Variants in CDK11B observed in about 807,000 individuals in gnomAD.
CDK11B encodes cyclin dependent kinase 11B.
A neutral mutation model predicts 84.0 loss-of-function variants in CDK11B; 37 were observed. The observed-to-expected ratio is 0.44, with a 90% confidence interval of 0.34 to 0.58. The LOEUF (loss-of-function observed/expected upper bound fraction) is 0.58, where lower values mean the gene tolerates loss of function less well. Among genes scored for constraint, CDK11B ranks in the 20% least tolerant of loss-of-function variants. The pLI is 0.02. For missense variants in CDK11B, 427 were observed against 834.0 expected, an observed-to-expected ratio of 0.51 and a Z score of 6.01; for synonymous variants, 269 against 309.8, an observed-to-expected ratio of 0.87 and a Z score of 1.38.
Position 1,658,981 on chromosome 1 carries a change from G to A in CDK11B, c.-81C>T. On this transcript the variant is annotated 5_prime_UTR_variant, in exon 1 of 20. Transcript: ENST00000341832. ...GGAGCCAGAGAAGAAACAGCAACCG[G>A]CGCGCGCCAAAAGTATCGTCACTTC... 5.0e-6 allele frequency: 1 copy of A among 198,554 alleles called. No homozygotes were observed. Among genetic ancestry groups the A allele is most frequent in the South Asian group, 6.4e-5 (1 of 15,632 alleles). 12.3% of individuals were successfully genotyped at this position (198,554 alleles called of 1,614,324 possible). A position where few individuals can be genotyped will look rare whatever the true frequency, so the allele number is the denominator to read the frequency against.
rs568311266 is a variant in CDK11B, at chr1:1,637,047, C to A, written c.1692+34G>T. Reference sequence around the variant, plus strand: ...CGGCTGTGAGTGGGCCCCGGCAGGTCTCCCTGGGATGGGCCACTCGGAGGG... The same window carrying A: ...CGGCTGTGAGTGGGCCCCGGCAGGTATCCCTGGGATGGGCCACTCGGAGGG... On this transcript the variant is annotated intron_variant, in intron 15 of 19. Coordinates refer to ENST00000341832, the MANE Select transcript of CDK11B (RefSeq NM_033486.3). The A allele has an allele frequency of 6.9e-5, 111 of 1,613,310 alleles. No homozygotes were observed. In the East Asian group the frequency reaches 2.1e-3, roughly 30 times the overall value.
intron 4 of CDK11B, among the ~76,000 whole-genome samples, chr1:1,650,996 C>A (rs1442250468): frequency 6.6e-6 from 1 of 152,182 alleles, no homozygotes; most frequent in South Asian, 2.1e-4. Context: ...TCACTCTTCA[C>A]AAAGACTACA....
chr1:1,654,808 G>A (rs1356377894), intron 3 of CDK11B, among the ~76,000 whole-genome samples: 1 of 151,920 alleles, frequency 6.6e-6, no homozygotes, highest in East Asian at 1.9e-4. Context: ...AAAGGCGCCT[G>A]CCACCACGCC....
At chr1:1,644,446 CA>C (rs1480043203) in intron 6 of CDK11B, among the ~76,000 whole-genome samples, 1 of 130,390 alleles carries the variant, frequency 7.7e-6, no homozygotes, top group Non-Finnish European at 1.6e-5. Context: ...GACTCTGTCT[CA>C]AAACAACAAC....
In CDK11B at chr1:1,640,277, C is replaced by G; in HGVS notation, c.1251G>C (p.Gln417His). The G allele has an allele frequency of 6.2e-7, 1 of 1,613,366 alleles. No homozygotes were observed. Among genetic ancestry groups the G allele is most frequent in the Non-Finnish European group, 8.5e-7 (1 of 1,179,596 alleles). The change falls in exon 11 of 20, where the codon CAG (glutamine) becomes CAC (histidine). Residue 417 changes from glutamine to histidine, a missense_variant and splice_region_variant. Physicochemically the swap from Gln to His is conservative, Grantham distance 24. This residue lies in a region of CDK11B where 43 missense variants were observed against 61.8 expected (regional missense o/e 0.70). Coordinates refer to ENST00000341832, the MANE Select transcript of CDK11B (RefSeq NM_033486.3). ...GCCCGGGGCGAGGGGAGGGCCTGACCTGCAGGGCCGGCAGGTACTTGGGCA... is the reference window on the plus strand; with the variant it reads ...GCCCGGGGCGAGGGGAGGGCCTGACGTGCAGGGCCGGCAGGTACTTGGGCA... ...QELPKYLPAL[Q>H]GCRSVEEFQC... is the part of the protein sequence containing the mutation.
At chr1:1,649,008 G>T (rs1641540355) in intron 5 of CDK11B, among the ~76,000 whole-genome samples, 1 of 152,140 alleles carries the variant, frequency 6.6e-6, no homozygotes, top group African/African-American at 2.4e-5. Flanking sequence ...CAGATGCAGT[G>T]AAAACTCACT....
At position 1,640,975 on chromosome 1, in the gene CDK11B, G is replaced by C. The variant is rs909564351; in HGVS notation, c.1075+73C>G. ...GGCGTGCCCCACGCTGCGCAGGACC[G>C]GCTGTCTTAGGAGAGGGCTGCTGCA... On this transcript the variant is annotated intron_variant, in intron 10 of 19. Coordinates refer to ENST00000341832, the MANE Select transcript of CDK11B (RefSeq NM_033486.3). The C allele has an allele frequency of 3.1e-6, 5 of 1,595,546 alleles. No individual in the cohort carries two copies. In the South Asian group the frequency reaches 5.6e-5, roughly 18 times the overall value.
intron 4 of CDK11B, among the ~76,000 whole-genome samples, chr1:1,652,064 G>A (rs1397586026): frequency 2.7e-5 from 4 of 150,880 alleles, no homozygotes; most frequent in African/African-American, 9.8e-5. Context: ...CTTTTAGTTA[G>A]TTTGCTCTCA....
intron 4 of CDK11B, among the ~76,000 whole-genome samples, chr1:1,651,624 T>C (rs1228394237): frequency 2.0e-5 from 3 of 151,106 alleles, no homozygotes; most frequent in African/African-American, 4.9e-5. Context: ...TGCTTTTAGC[T>C]AGAGTTTGCT....
Position 1,645,161 on chromosome 1 carries a change from TCTGC to T in CDK11B, c.592_595del (p.Ala198ArgfsTer20). On this transcript the variant is annotated frameshift_variant, in exon 6 of 20. Coordinates refer to ENST00000341832, the MANE Select transcript of CDK11B (RefSeq NM_033486.3). LOFTEE classifies it high-confidence loss of function. ...GGCCTCCCGCTCCTTGCGCCGCTCC[TCTGC>T]CCGCCGCTCGCGCTCCTTCTGCTCC... is the stretch of plus-strand genomic sequence containing the variant. 2.0e-6 allele frequency: 1 copy of T among 497,720 alleles called. No homozygotes were observed. 30.8% of individuals were successfully genotyped at this position (497,720 alleles called of 1,614,324 possible).
At chr1:1,639,192 C>T (rs1443094991) in intron 11 of CDK11B, among the ~76,000 whole-genome samples, 3 of 151,734 alleles carry the variant, frequency 2.0e-5, no homozygotes, top group Non-Finnish European at 2.9e-5. Flanking sequence ...CCCACCGCCT[C>T]GGCCTCCAAA....
rs561991973 is a variant in CDK11B at position 1,641,169 on chromosome 1, G to A, written c.1010-56C>T. On this transcript the variant is annotated intron_variant, in intron 9 of 19. Transcript: ENST00000341832. The stretch of plus-strand genomic sequence containing the variant: ...CAGCACCGGGGCGAGTGCTGCCACA[G>A]GCAGGATGCGGGCTCCGCTTCAGCT... 3.7e-4 allele frequency: 565 copies of A among 1,525,288 alleles called. 1 individual carries two copies. In the African/African-American group the frequency reaches 6.6e-3, roughly 18 times the overall value. 94.5% of individuals were successfully genotyped at this position (1,525,288 alleles called of 1,614,324 possible).
rs1642118893 is a variant in CDK11B at position 1,652,269 on chromosome 1, CTAGAG to C, written c.355+165_355+169del. ...GTCTGTGACGCACGCATGCTTTTAGCTAGAGTATTCTCTCTATAGCCATTCTGAAC... is the reference window on the plus strand; with the variant it reads ...GTCTGTGACGCACGCATGCTTTTAGCTATTCTCTCTATAGCCATTCTGAAC... On this transcript the variant is annotated intron_variant, in intron 4 of 19. Transcript: ENST00000341832. Among the ~76,000 whole-genome samples, 3 of 151,912 alleles carry C rather than the reference CTAGAG, an allele frequency of 2.0e-5. No individual in the cohort carries two copies. In the East Asian group the frequency reaches 5.8e-4, roughly 29 times the overall value.
intron 18 of CDK11B, 27 bp downstream of exon 18, chr1:1,636,306 C>A (rs1318543252): frequency 2.6e-6 from 4 of 1,545,688 alleles, no homozygotes; most frequent in Non-Finnish European, 1.7e-6. Context: ...CTCGGGACCT[C>A]CCGCCACCCG....
chr1:1,650,019 A>C (rs1357237046), intron 4 of CDK11B, among the ~76,000 whole-genome samples: 2 of 151,180 alleles, frequency 1.3e-5, no homozygotes, highest in Non-Finnish European at 2.9e-5. Flanking sequence ...CACGCCTGTA[A>C]TTCCAGCACT....
Position 1,652,496 on chromosome 1 carries a change from T to C in CDK11B, c.298A>G (p.Arg100Gly). Residue 100 changes from arginine to glycine, a missense_variant, in exon 4 of 20, where the codon AGA becomes GGA. By Grantham distance (125) the Arg-to-Gly change is moderately radical (BLOSUM62 -2). This residue lies in a region of CDK11B where 9 missense variants were observed against 35.4 expected (regional missense o/e 0.25). Coordinates refer to ENST00000341832, the MANE Select transcript of CDK11B (RefSeq NM_033486.3). ...TTCTCTTTTCTCTTTTCATCTTTTC[T>C]GTGATGAGCTTTTTCTTTCCGAGAC... ...QMSRKEKAHH[R>G]KDEKRKEKRR... The C allele has an allele frequency of 2.0e-6, 3 of 1,513,904 alleles. No homozygotes were observed. Among genetic ancestry groups the C allele is most frequent in the Non-Finnish European group, 2.6e-6 (3 of 1,140,732 alleles). The allele number at this position is 1,513,904 out of a possible 1,614,324, so 93.8% of individuals were successfully genotyped here.
intron 5 of CDK11B, among the ~76,000 whole-genome samples, chr1:1,647,134 G>A (rs1405062001): frequency 6.6e-6 from 1 of 152,202 alleles, no homozygotes; most frequent in Non-Finnish European, 1.5e-5. Flanking sequence ...GGTTTCTGAG[G>A]CTCTGTGCAT....
Position 1,637,172 on chromosome 1 carries a change from A to G in CDK11B, c.1601T>C (p.Leu534Pro), listed in dbSNP as rs1451121916. Reference sequence around the variant, plus strand: ...GTCGTGCAGGTGTTTCACCCCACGCAGCAGCTGGATCATCAGGGTCTTCAC... The same window carrying G: ...GTCGTGCAGGTGTTTCACCCCACGCGGCAGCTGGATCATCAGGGTCTTCAC... ...GEVKTLMIQL[L>P]RGVKHLHDNW... Residue 534 changes from leucine to proline, a missense_variant, in exon 15 of 20, where the codon CTG becomes CCG. Physicochemically the swap from Leu to Pro is moderately conservative, Grantham distance 98. Around this residue, in one of 12 missense-constraint regions of CDK11B, gnomAD observed 19 missense variants for 22.5 expected, o/e 0.85. Coordinates refer to ENST00000341832, the MANE Select transcript of CDK11B (RefSeq NM_033486.3). The G allele has an allele frequency of 1.2e-6, 2 of 1,613,556 alleles. No homozygotes were observed. Among genetic ancestry groups the G allele is most frequent in the Non-Finnish European group, 8.5e-7 (1 of 1,179,848 alleles).
At chr1:1,645,775 G>C (rs557713777) in intron 5 of CDK11B, 4 of 337,750 alleles carry the variant, frequency 1.2e-5, no homozygotes, top group East Asian at 8.2e-5. Flanking sequence ...GCATTCACAC[G>C]TATCATTGCT....
Sources: gnomAD v4.1 joint callset for allele counts (sites outside exome capture counted in the v4.1 genomes callset) on GRCh38, gnomAD v4.1.1 for gene constraint, gnomAD v4.1.1 regional missense constraint, MANE v1.5 for transcripts, NCBI Gene and HGNC (gene_info 2026-07-23, HGNC 2026-07-21) for gene names.